The following PCDHA3 variants were observed in gnomAD, a reference collection of about 807,000 sequenced individuals.
PCDHA3 encodes protocadherin alpha 3, also known as protocadherin alpha-3.
PCDHA3 carries 41 observed loss-of-function variants against 62.2 expected under a neutral mutation model. That is an observed-to-expected ratio of 0.66 (90% CI 0.51 to 0.86). The LOEUF (loss-of-function observed/expected upper bound fraction) is 0.86. Among genes scored for constraint, PCDHA3 ranks in the 40% least tolerant of loss-of-function variants. The probability of loss-of-function intolerance (pLI) is 0.00; values close to 1 mark genes in which losing one functional copy is unlikely to be tolerated. For missense variants in PCDHA3, 1,304 were observed against 1,241.2 expected, an observed-to-expected ratio of 1.05 and a Z score of -0.76; for synonymous variants, 640 against 555.4, an observed-to-expected ratio of 1.15 and a Z score of -2.14.
chr5:140,948,722 A>G (rs2094296449), intron 1 of PCDHA3, among the ~76,000 whole-genome samples: 1 of 151,574 alleles, frequency 6.6e-6, no homozygotes, highest in Admixed American at 6.6e-5. Context: ...TTTTTTATCA[A>G]TAAGTCTAGC....
At chr5:140,848,502 T>C (rs2150411498) in intron 1 of PCDHA3, 1 of 1,586,510 alleles carries the variant, frequency 6.3e-7, no homozygotes, top group Non-Finnish European at 8.6e-7. Context: ...TGAAATGTTA[T>C]ACTCAAGTCG....
chr5:141,007,437 A>G (rs913587541), intron 3 of PCDHA3, among the ~76,000 whole-genome samples: 2 of 150,734 alleles, frequency 1.3e-5, no homozygotes, highest in Non-Finnish European at 2.9e-5. Context: ...GCATGGTGGC[A>G]TGTGCCTGTA....
At position 140,828,716 on chromosome 5, in the gene PCDHA3, A is replaced by C. The variant is rs142386076; in HGVS notation, c.2394+25125A>C. On this transcript the variant is annotated intron_variant, in intron 1 of 3. Coordinates refer to ENST00000522353, the MANE Select transcript of PCDHA3 (RefSeq NM_018906.3). ...GGACAGAGAGGAAGCTCCTGCACACAACTTATTCCTGACAGCCACAGATGG... is the reference window on the plus strand; with the variant it reads ...GGACAGAGAGGAAGCTCCTGCACACCACTTATTCCTGACAGCCACAGATGG... The C allele has an allele frequency of 1.3e-4, 211 of 1,614,274 alleles. No homozygotes were observed. In the African/African-American group the frequency reaches 2.2e-3, roughly 17 times the overall value.
chr5:140,877,727 A>C, intron 1 of PCDHA3: 1 of 1,614,136 alleles, frequency 6.2e-7, no homozygotes, highest in South Asian at 1.1e-5. Flanking sequence ...TCTTACTCGC[A>C]GCAGAGGAGG....
chr5:140,835,130 G>A, intron 1 of PCDHA3: 1 of 1,362,542 alleles, frequency 7.3e-7, no homozygotes, highest in Non-Finnish European at 1.0e-6. Flanking sequence ...TGTATACGGT[G>A]AAATTACCAG....
chr5:140,809,631 C>T (rs782121997), intron 1 of PCDHA3: 5 of 1,502,120 alleles, frequency 3.3e-6, no homozygotes, highest in Non-Finnish European at 3.6e-6. Context: ...TCAACTTCTT[C>T]GTAAATTTAT....
intron 1 of PCDHA3, among the ~76,000 whole-genome samples, chr5:140,899,881 C>G (rs1334700648): frequency 6.6e-6 from 1 of 152,146 alleles, no homozygotes; most frequent in Non-Finnish European, 1.5e-5. Context: ...TAACAGAACT[C>G]AGTGCAGCCT....
rs141789471 is a variant in PCDHA3, at chr5:140,838,199, C to T, written c.2394+34608C>T. Among the ~76,000 whole-genome samples, 332 of 149,502 alleles carry T rather than the reference C, an allele frequency of 2.2e-3. 4 individuals carry two copies. The highest frequency in any genetic ancestry group is 7.4e-3 in the African/African-American group (299 of 40,498). On this transcript the variant is annotated intron_variant, in intron 1 of 3. Transcript: ENST00000522353. Reference sequence around the variant, plus strand: ...TGCAATCTCAGCTCACTGCAAAATCCGCCTCTCTGGTACAAGCAGTTCTCA... The same window carrying T: ...TGCAATCTCAGCTCACTGCAAAATCTGCCTCTCTGGTACAAGCAGTTCTCA...
chr5:140,830,091 T>A, intron 1 of PCDHA3: 1 of 1,613,542 alleles, frequency 6.2e-7, no homozygotes, highest in Non-Finnish European at 8.5e-7. Context: ...ACGGTTCTGG[T>A]GTCGCTGGTG....
rs1554128830 is a variant in PCDHA3 at position 140,822,720 on chromosome 5, T to C, written c.2394+19129T>C. 3 of 1,612,092 alleles carry C rather than the reference T, an allele frequency of 1.9e-6. No individual in the cohort carries two copies. The South Asian group carries it at 3.3e-5, about 18-fold the overall frequency. On this transcript the variant is annotated intron_variant, in intron 1 of 3. Coordinates refer to ENST00000522353, the MANE Select transcript of PCDHA3 (RefSeq NM_018906.3). ...TGGATTATGAAGACTATAACTCATA[T>C]GAAATTAATATTGATGCCATGGATA...
rs370812126 is a variant in PCDHA3, at chr5:140,869,802, G to A, written c.2394+66211G>A. On this transcript the variant is annotated intron_variant, in intron 1 of 3. Coordinates refer to ENST00000522353, the MANE Select transcript of PCDHA3 (RefSeq NM_018906.3). ...CCGTTCGGCTGTTAGTCCAAGTCTT[G>A]GATGTCAACGACAATGATCCAGAGT... 12 of 1,612,438 alleles carry A rather than the reference G, an allele frequency of 7.4e-6. No homozygotes were observed. The African/African-American group carries it at 1.3e-4, about 18-fold the overall frequency.
chr5:140,956,130 AC>A (rs1328169081), intron 1 of PCDHA3, among the ~76,000 whole-genome samples: 3 of 152,088 alleles, frequency 2.0e-5, no homozygotes. Context: ...CTATTTGAAT[AC>A]CCTTTATTTC....
At chr5:140,825,878 G>T (rs1768749257) in intron 1 of PCDHA3, 1 of 152,366 alleles carries the variant, frequency 6.6e-6, no homozygotes, top group Non-Finnish European at 1.5e-5. Context: ...TTTACAAAGA[G>T]TTGTTTATTA....
chr5:140,848,483 C>A, intron 1 of PCDHA3: 1 of 1,570,024 alleles, frequency 6.4e-7, no homozygotes, highest in Non-Finnish European at 8.7e-7. Context: ...TAGAAGAAGA[C>A]TGAGTATTTG....
chr5:140,803,000 A>C lies in PCDHA3; in HGVS notation c.1803A>C (p.Ser601=), dbSNP rs782428262. The C allele has an allele frequency of 8.7e-6, 14 of 1,613,894 alleles. No homozygotes were observed. Among genetic ancestry groups the C allele is most frequent in the Non-Finnish European group, 2.5e-6 (3 of 1,179,936 alleles). The change falls in exon 1 of 4, where the codon TCA becomes TCC. Residue 601 remains serine, a synonymous_variant. Coordinates refer to ENST00000522353, the MANE Select transcript of PCDHA3 (RefSeq NM_018906.3). ...AGGTGCGCGCAGTGGATGCAGACTC[A>C]GGCTACAACGCGTGGCTTTCGTATG... ...VAKVRAVDAD[S]GYNAWLSYEL... is the part of the protein sequence containing the mutation.
At chr5:140,882,543 G>T (rs1357197569) in intron 1 of PCDHA3, 4 of 1,614,236 alleles carry the variant, frequency 2.5e-6, no homozygotes, top group Non-Finnish European at 3.4e-6. Context: ...CGGATCGACC[G>T]CGAGGAGCTG....
chr5:140,831,281 C>T (rs1312764536), intron 1 of PCDHA3: 1 of 152,158 alleles, frequency 6.6e-6, no homozygotes, highest in Admixed American at 6.6e-5. Context: ...ATGGTCTTCT[C>T]TTCATGGAGT....
At chr5:140,959,602 C>CTT (rs1554224184) in intron 1 of PCDHA3, among the ~76,000 whole-genome samples, 1 of 152,008 alleles carries the variant, frequency 6.6e-6, no homozygotes, top group African/African-American at 2.4e-5. Context: ...GTATAACATG[C>CTT]TTTTCTTGCT....
chr5:140,802,654 A>G lies in PCDHA3; in HGVS notation c.1457A>G (p.Glu486Gly), dbSNP rs782166217. ...TVSARDADAQ[E>G]NALVSYSLVE... ...TCTGCGCGGGACGCGGACGCGCAGG[A>G]GAACGCCCTGGTGTCCTACTCGCTG... Residue 486 changes from glutamate to glycine, a missense_variant, in exon 1 of 4, where the codon GAG (glutamate) becomes GGG (glycine). Coordinates refer to ENST00000522353, the MANE Select transcript of PCDHA3 (RefSeq NM_018906.3). The G allele has an allele frequency of 6.2e-7, 1 of 1,613,634 alleles. No individual in the cohort carries two copies. The highest frequency in any genetic ancestry group is 1.1e-5 in the South Asian group (1 of 91,052).
Sources: gnomAD v4.1 joint callset for allele counts (sites outside exome capture counted in the v4.1 genomes callset) on GRCh38, gnomAD v4.1.1 for gene constraint, MANE v1.5 for transcripts, NCBI Gene and HGNC (gene_info 2026-07-23, HGNC 2026-07-21) for gene names.